VAPB: variants seen among roughly 807,000 people sequenced by gnomAD.
VAPB encodes the protein vesicle-associated membrane protein-associated protein B/C.
Under a neutral mutation model 25.6 loss-of-function variants are expected in VAPB, and 7 were observed. The ratio of observed to expected loss-of-function variants is 0.27; its 90% confidence interval spans 0.16 to 0.51. The LOEUF (loss-of-function observed/expected upper bound fraction) is 0.51, where lower values mean the gene tolerates loss of function less well. Ranked by LOEUF, VAPB falls within the 20% of genes least tolerant of loss-of-function variation. VAPB has a pLI of 0.97. For synonymous variants in VAPB, 112 were observed against 109.2 expected (o/e 1.03, Z -0.16); for missense variants, 266 against 301.3 (o/e 0.88, Z 0.87).
At position 58,447,430 on chromosome 20, in the gene VAPB, G is replaced by A. The variant is rs1989318294; in HGVS notation, c.*3195G>A. 1 of 454,058 alleles carries A rather than the reference G, an allele frequency of 2.2e-6. No homozygotes were observed. Among genetic ancestry groups the A allele is most frequent in the Non-Finnish European group, 4.4e-6 (1 of 226,786 alleles). 28.1% of individuals were successfully genotyped at this position (454,058 alleles called of 1,614,324 possible). On this transcript the variant is annotated 3_prime_UTR_variant, in exon 6 of 6. Coordinates refer to ENST00000475243, the MANE Select transcript of VAPB (RefSeq NM_004738.5). ...TGATTTTTACCAGTGGCCAGTTTAT[G>A]GCTAGAGAGACGACTTATACCTCCA...
Position 58,447,618 on chromosome 20 carries a change from C to T in VAPB, c.*3383C>T. 4.4e-6 allele frequency: 2 copies of T among 453,910 alleles called. No homozygotes were observed. Among genetic ancestry groups the T allele is most frequent in the South Asian group, 3.1e-5 (2 of 64,464 alleles). The allele number at this position is 453,910 out of a possible 1,614,324, so 28.1% of individuals were successfully genotyped here. A position where few individuals can be genotyped will look rare whatever the true frequency, so the allele number is the denominator to read the frequency against. ...TGAATGTAGTGAGAGCTCAGAGCTACAGAGCCTTTCAGATGAATTTGAAAA... is the reference window on the plus strand; with the variant it reads ...TGAATGTAGTGAGAGCTCAGAGCTATAGAGCCTTTCAGATGAATTTGAAAA... On this transcript the variant is annotated 3_prime_UTR_variant, in exon 6 of 6. Coordinates refer to ENST00000475243, the MANE Select transcript of VAPB (RefSeq NM_004738.5).
At position 58,449,248 on chromosome 20, in the gene VAPB, G is replaced by T. The variant is rs577241192; in HGVS notation, c.*5013G>T. ...AAGCTCACCCACCCCTGTGCCAGGG[G>T]GCCCTGACCTCCCTCCATGCCATGT... On this transcript the variant is annotated 3_prime_UTR_variant, in exon 6 of 6. Transcript: ENST00000475243. The T allele has an allele frequency of 2.2e-6, 1 of 454,076 alleles. No homozygotes were observed. Among genetic ancestry groups the T allele is most frequent in the South Asian group, 1.6e-5 (1 of 64,466 alleles). The allele number at this position is 454,076 out of a possible 1,614,324, so 28.1% of individuals were successfully genotyped here.
Position 58,445,022 on chromosome 20 carries a change from C to A in VAPB, c.*787C>A. On this transcript the variant is annotated 3_prime_UTR_variant, in exon 6 of 6. Transcript: ENST00000475243. Reference sequence around the variant, plus strand: ...AGTTAATGCTGCGTGCTGCTGAACTCTGTTGGGTGAACTGGTATTGCTGCT... The same window carrying A: ...AGTTAATGCTGCGTGCTGCTGAACTATGTTGGGTGAACTGGTATTGCTGCT... The A allele has an allele frequency of 2.2e-6, 1 of 454,798 alleles. No individual in the cohort carries two copies. The allele number at this position is 454,798 out of a possible 1,614,324, so 28.2% of individuals were successfully genotyped here. A position where few individuals can be genotyped will look rare whatever the true frequency, so the allele number is the denominator to read the frequency against.
intron 1 of VAPB, among the ~76,000 whole-genome samples, chr20:58,414,647 C>A (rs1223071021): frequency 6.6e-6 from 1 of 151,520 alleles, no homozygotes; most frequent in African/African-American, 2.4e-5. Flanking sequence ...CAGAGACGCT[C>A]CTCACTTCCT....
intron 2 of VAPB, among the ~76,000 whole-genome samples, chr20:58,420,498 T>G (rs1260827114): frequency 6.6e-6 from 1 of 152,210 alleles, no homozygotes; most frequent in Non-Finnish European, 1.5e-5. Flanking sequence ...CACTGCTATT[T>G]GAAGCTAGTG....
intron 3 of VAPB, among the ~76,000 whole-genome samples, chr20:58,437,499 C>T (rs1184655892): frequency 6.6e-6 from 1 of 152,196 alleles, no homozygotes; most frequent in Non-Finnish European, 1.5e-5. Context: ...TAGCACAAAG[C>T]ACATTTGCCC....
In VAPB at chr20:58,448,808, C is replaced by T. The variant is rs758770430; in HGVS notation, c.*4573C>T. 1.8e-5 allele frequency: 8 copies of T among 454,102 alleles called. No homozygotes were observed. Among genetic ancestry groups the T allele is most frequent in the South Asian group, 1.2e-4 (8 of 64,476 alleles). The allele number at this position is 454,102 out of a possible 1,614,324, so 28.1% of individuals were successfully genotyped here. A position where few individuals can be genotyped will look rare whatever the true frequency, so the allele number is the denominator to read the frequency against. ...AAAAAAGGTACATATTCCATTTTCT[C>T]ATTGCCTGAAGATCTCTGCTGATGC... On this transcript the variant is annotated 3_prime_UTR_variant, in exon 6 of 6. Coordinates refer to ENST00000475243, the MANE Select transcript of VAPB (RefSeq NM_004738.5).
rs553129833 is a variant in VAPB at position 58,396,260 on chromosome 20, C to T, written c.58+6743C>T. Among the ~76,000 whole-genome samples the T allele has an allele frequency of 5.3e-5, 8 of 152,238 alleles. No homozygotes were observed. In the South Asian group the frequency reaches 1.4e-3, roughly 28 times the overall value. ...TCACCTGTGTCAAGTGATGTCTTCA[C>T]GCTTTTGGGGGGTGTGTGTGTGCAT... On this transcript the variant is annotated intron_variant, in intron 1 of 5. Transcript: ENST00000475243.
At chr20:58,404,605 A>T (rs970010959) in intron 1 of VAPB, among the ~76,000 whole-genome samples, 2 of 152,210 alleles carry the variant, frequency 1.3e-5, no homozygotes, top group African/African-American at 4.8e-5. Context: ...TCCTTCAGTG[A>T]TGCATTTAAC....
intron 1 of VAPB, among the ~76,000 whole-genome samples, chr20:58,415,026 C>T (rs1988504230): frequency 1.3e-5 from 2 of 152,286 alleles, no homozygotes; most frequent in African/African-American, 2.4e-5. Context: ...GGCTGGAGAC[C>T]GGCCTGGCCA....
At chr20:58,401,702 C>T (rs1988099200) in intron 1 of VAPB, among the ~76,000 whole-genome samples, 1 of 152,178 alleles carries the variant, frequency 6.6e-6, no homozygotes. Context: ...CTTCCCTTCT[C>T]CCCTTTGCGG....
chr20:58,393,810 G>A (rs190022418), intron 1 of VAPB, among the ~76,000 whole-genome samples: 12 of 152,174 alleles, frequency 7.9e-5, no homozygotes, highest in South Asian at 4.1e-4. Flanking sequence ...TTGGCTCACC[G>A]CAACCTCCGC....
chr20:58,389,313 G>T lies in VAPB; in HGVS notation c.-147G>T. ...CACCGCGTAGACCGACCCCCCCCCA[G>T]CGCGCCCACCCGGTAGAGGACCCCC... On this transcript the variant is annotated 5_prime_UTR_variant, in exon 1 of 6. Coordinates refer to ENST00000475243, the MANE Select transcript of VAPB (RefSeq NM_004738.5). 1 of 276,426 alleles carries T rather than the reference G, an allele frequency of 3.6e-6. No individual in the cohort carries two copies. Among genetic ancestry groups the T allele is most frequent in the African/African-American group, 4.1e-5 (1 of 24,336 alleles). The allele number at this position is 276,426 out of a possible 1,614,324, so 17.1% of individuals were successfully genotyped here. A position where few individuals can be genotyped will look rare whatever the true frequency, so the allele number is the denominator to read the frequency against.
In VAPB at chr20:58,440,522, C is replaced by T. The variant is rs569193978; in HGVS notation, c.397-385C>T. ...TGCTCTCCCAAGCCTCCTAACCCCA[C>T]TAAGGCAATCCTAGGGATGTTCACA... On this transcript the variant is annotated intron_variant, in intron 4 of 5. Transcript: ENST00000475243. 4.9e-5 allele frequency: 12 copies of T among 246,686 alleles called. No homozygotes were observed. In the South Asian group the frequency reaches 5.2e-4, roughly 11 times the overall value. 15.3% of individuals were successfully genotyped at this position (246,686 alleles called of 1,614,324 possible). A position where few individuals can be genotyped will look rare whatever the true frequency, so the allele number is the denominator to read the frequency against.
chr20:58,389,598 C>A, intron 1 of VAPB, 81 bp downstream of exon 1: 11 of 1,443,794 alleles, frequency 7.6e-6, no homozygotes, highest in Non-Finnish European at 9.3e-6. Context: ...CGGCGGGTGA[C>A]GTCGGCCCTC....
intron 1 of VAPB, among the ~76,000 whole-genome samples, chr20:58,408,318 G>A (rs1988283119): frequency 6.6e-6 from 1 of 152,210 alleles, no homozygotes; most frequent in Non-Finnish European, 1.5e-5. Context: ...CTTCAGGAAA[G>A]TTATGTGTCT....
chr20:58,429,079 G>T (rs1311613802), intron 2 of VAPB, among the ~76,000 whole-genome samples: 1 of 151,986 alleles, frequency 6.6e-6, no homozygotes, highest in Non-Finnish European at 1.5e-5. Context: ...AATGCGAAGA[G>T]ATTTCAAAGA....
In VAPB at chr20:58,449,867, G is replaced by A. The variant is rs1186164029; in HGVS notation, c.*5632G>A. 3 of 454,112 alleles carry A rather than the reference G, an allele frequency of 6.6e-6. No homozygotes were observed. In the Admixed American group the frequency reaches 7.0e-5, roughly 11 times the overall value. 28.1% of individuals were successfully genotyped at this position (454,112 alleles called of 1,614,324 possible). ...GAGTGCGCCTGGCCTTCTGCAGGTG[G>A]AGCTGCTGTCAGAGCTTCGTTTCAC... On this transcript the variant is annotated 3_prime_UTR_variant, in exon 6 of 6. Coordinates refer to ENST00000475243, the MANE Select transcript of VAPB (RefSeq NM_004738.5).
rs1239277164 is a variant in VAPB, at chr20:58,445,332, G to T, written c.*1097G>T. On this transcript the variant is annotated 3_prime_UTR_variant, in exon 6 of 6. Transcript: ENST00000475243. ...GACCTCCCCTTGGGGACCTAGCCTG[G>T]AGTCAGGACAAATGGATCGGGCTGC... The T allele has an allele frequency of 2.2e-6, 1 of 454,384 alleles. No individual in the cohort carries two copies. Among genetic ancestry groups the T allele is most frequent in the Non-Finnish European group, 4.4e-6 (1 of 226,748 alleles). The allele number at this position is 454,384 out of a possible 1,614,324, so 28.1% of individuals were successfully genotyped here.
Sources: gnomAD v4.1 joint callset for allele counts (sites outside exome capture counted in the v4.1 genomes callset) on GRCh38, gnomAD v4.1.1 for gene constraint, MANE v1.5 for transcripts, NCBI Gene and HGNC (gene_info 2026-07-23, HGNC 2026-07-21) for gene names.